Variants in PLEKHH2 observed in about 807,000 individuals in gnomAD.
PLEKHH2 encodes pleckstrin homology domain-containing family H member 2.
A neutral mutation model predicts 187.9 loss-of-function variants in PLEKHH2; 129 were observed. The ratio of observed to expected loss-of-function variants is 0.69; its 90% CI spans 0.59 to 0.79. The LOEUF (loss-of-function observed/expected upper bound fraction) is 0.79, where lower values mean the gene tolerates loss of function less well. Among genes scored for constraint, PLEKHH2 ranks in the 30% least tolerant of loss-of-function variants. The pLI is 0.00. For synonymous variants in PLEKHH2, 686 were observed against 605.6 expected, an observed-to-expected ratio of 1.13 and a Z score of -1.95; for missense variants, 2,076 against 1,751.2, an observed-to-expected ratio of 1.19 and a Z score of -3.31.
rs541434188 is a variant in PLEKHH2, at chr2:43,765,633, C to G, written c.*35C>G. The G allele has an allele frequency of 1.3e-6, 2 of 1,595,396 alleles. No homozygotes were observed. The highest frequency in any genetic ancestry group is 1.1e-5 in the South Asian group (1 of 88,048). ...AGCCTGAACATTCACTCCTTGTCCTCCATGCTGTGGCTGTATCAGCTCCCT... is the reference window on the plus strand; with the variant it reads ...AGCCTGAACATTCACTCCTTGTCCTGCATGCTGTGGCTGTATCAGCTCCCT... On this transcript the variant is annotated 3_prime_UTR_variant, in exon 30 of 30. Coordinates refer to ENST00000282406, the MANE Select transcript of PLEKHH2 (RefSeq NM_172069.4).
rs1204742747 is a variant in PLEKHH2 at position 43,675,688 on chromosome 2, C to G, written c.124-3175C>G. On this transcript the variant is annotated intron_variant, in intron 2 of 29. Coordinates refer to ENST00000282406, the MANE Select transcript of PLEKHH2 (RefSeq NM_172069.4). ...CAGCTGCTTATCTTCAGATAACTTC[C>G]AAATCACACTTTGATCTGCACAGGT... The G allele has an allele frequency of 1.9e-6, 3 of 1,613,830 alleles. No individual in the cohort carries two copies. In the African/African-American group the frequency reaches 4.0e-5, roughly 22 times the overall value.
chr2:43,743,053 A>G (rs1009802025), intron 22 of PLEKHH2, 135 bp downstream of exon 22: 1 of 622,896 alleles, frequency 1.6e-6, no homozygotes, highest in Middle Eastern at 3.2e-4. Context: ...ATTTACTATC[A>G]GAACAGCTGA....
rs372569108 is a variant in PLEKHH2, at chr2:43,710,280, C to T, written c.2164C>T (p.Arg722Trp). ...GAGTGGTAAAGTCAAGTCTTGGAAG[C>T]GGCGGTGGTTTGTTCTTAAAGGTGG... ...KMSGKVKSWK[R>W]RWFVLKGGEL... The change falls in exon 13 of 30, where the codon CGG becomes TGG. Residue 722 changes from arginine (R) to tryptophan (W), a missense_variant. Physicochemically the swap from Arg to Trp is moderately radical, Grantham distance 101. Transcript: ENST00000282406. The T allele has an allele frequency of 2.3e-5, 37 of 1,614,086 alleles. No individual in the cohort carries two copies. The East Asian group carries it at 3.1e-4, about 14-fold the overall frequency.
At chr2:43,646,134 A>T (rs181917478) in intron 2 of PLEKHH2, among the ~76,000 whole-genome samples, 5 of 152,314 alleles carry the variant, frequency 3.3e-5, no homozygotes, top group Non-Finnish European at 7.4e-5. Context: ...TGAATCCTGA[A>T]CTTCAATGTG....
intron 2 of PLEKHH2, among the ~76,000 whole-genome samples, chr2:43,668,765 G>T (rs1171845283): frequency 6.6e-6 from 1 of 152,144 alleles, no homozygotes; most frequent in Non-Finnish European, 1.5e-5. Flanking sequence ...TTGAGCCCAG[G>T]AGTTCGAGAC....
rs148707735 is a variant in PLEKHH2 at position 43,745,870 on chromosome 2, G to A, written c.3560G>A (p.Cys1187Tyr). 37 of 1,604,556 alleles carry A rather than the reference G, an allele frequency of 2.3e-5. No individual in the cohort carries two copies. Among genetic ancestry groups the A allele is most frequent in the Non-Finnish European group, 3.0e-5 (35 of 1,173,078 alleles). The change falls in exon 24 of 30, where the codon TGT becomes TAT. Residue 1187 changes from cysteine (C) to tyrosine (Y), a missense_variant. Physicochemically the swap from Cys to Tyr is radical, Grantham distance 194. Transcript: ENST00000282406. ...AGTTTTCCACTTCCTTTCTAGATTT[G>A]TGACATTATTTCCAAATGGGAACAG... ...EHCLQGNIKI[C>Y]DIISKWEQAS... is the part of the protein sequence containing the mutation.
intron 15 of PLEKHH2, among the ~76,000 whole-genome samples, chr2:43,720,075 G>C (rs1282058145): frequency 6.6e-6 from 1 of 152,118 alleles, no homozygotes; most frequent in Non-Finnish European, 1.5e-5. Flanking sequence ...TTCTGTCAGA[G>C]CTTTTAGGAT....
At chr2:43,698,235 C>T (rs1669183585) in intron 7 of PLEKHH2, among the ~76,000 whole-genome samples, 1 of 147,806 alleles carries the variant, frequency 6.8e-6, no homozygotes, top group Admixed American at 6.8e-5. Context: ...TCGCTTTGCT[C>T]TTCTCTTCTC....
intron 3 of PLEKHH2, among the ~76,000 whole-genome samples, chr2:43,685,595 T>C (rs1458301376): frequency 6.8e-6 from 1 of 147,302 alleles, no homozygotes; most frequent in East Asian, 2.0e-4. Flanking sequence ...ACCCAGTTAA[T>C]GTTTTTTAAC....
intron 16 of PLEKHH2, among the ~76,000 whole-genome samples, chr2:43,725,083 A>G (rs1465662173): frequency 6.6e-6 from 1 of 152,230 alleles, no homozygotes; most frequent in African/African-American, 2.4e-5. Context: ...TAAATGGGCT[A>G]GCGAGGAGGG....
At chr2:43,655,093 C>T (rs1156860931) in intron 2 of PLEKHH2, among the ~76,000 whole-genome samples, 1 of 152,016 alleles carries the variant, frequency 6.6e-6, no homozygotes, top group African/African-American at 2.4e-5. Context: ...GTAGCCCCAG[C>T]TACTCAGGAG....
In PLEKHH2 at chr2:43,731,524, C is replaced by T; in HGVS notation, c.2865C>T (p.His955=). The T allele has an allele frequency of 2.5e-6, 4 of 1,605,574 alleles. No homozygotes were observed. Among genetic ancestry groups the T allele is most frequent in the South Asian group, 2.2e-5 (2 of 90,648 alleles). Residue 955 remains histidine, a synonymous_variant, in exon 19 of 30, where the codon CAC becomes CAT. Transcript: ENST00000282406. The part of the protein sequence containing the change: ...SQIWRHPTLC[H]SKEGIISPLT... ...TATGGAGACACCCCACTTTGTGTCA[C>T]AGTAAAGAAGGAATCATTTCCCCTC... is the stretch of plus-strand genomic sequence containing the variant.
chr2:43,653,607 A>G (rs1332241969), intron 2 of PLEKHH2, among the ~76,000 whole-genome samples: 1 of 152,194 alleles, frequency 6.6e-6, no homozygotes, highest in Non-Finnish European at 1.5e-5. Context: ...TATATGGGAG[A>G]AAGTTGAGGG....
chr2:43,692,686 G>GTC (rs1458661812), intron 4 of PLEKHH2, 23 bp downstream of exon 4: 1 of 1,603,340 alleles, frequency 6.2e-7, no homozygotes, highest in Non-Finnish European at 8.5e-7. Flanking sequence ...TTGATAAAGA[G>GTC]TTCTAAGTGT....
intron 3 of PLEKHH2, chr2:43,679,430 C>T: frequency 6.7e-6 from 2 of 300,502 alleles, no homozygotes; most frequent in South Asian, 5.3e-5. Flanking sequence ...TGAGAGGAAA[C>T]ACCCCAAAAT....
intron 9 of PLEKHH2, 144 bp downstream of exon 9, chr2:43,704,200 A>C: frequency 1.7e-6 from 1 of 583,918 alleles, no homozygotes; most frequent in Middle Eastern, 2.6e-4. Flanking sequence ...GGTCAAATTC[A>C]TAGGAATAGA....
intron 2 of PLEKHH2, 56 bp downstream of exon 2, chr2:43,644,852 A>C (rs1399193398): frequency 6.1e-6 from 9 of 1,477,270 alleles, no homozygotes; most frequent in Non-Finnish European, 8.2e-6. Context: ...GGTCTGCTTC[A>C]TTTATATTAA....
chr2:43,758,836 C>T (rs754553419), intron 26 of PLEKHH2, 64 bp from the exon 27 acceptor site: 49 of 1,387,992 alleles, frequency 3.5e-5, no homozygotes, highest in Non-Finnish European at 4.7e-5. Context: ...TATCTTAAGA[C>T]TATGACACAC....
intron 25 of PLEKHH2, among the ~76,000 whole-genome samples, chr2:43,753,977 G>C (rs1443165451): frequency 1.3e-5 from 2 of 152,052 alleles, no homozygotes; most frequent in Admixed American, 1.3e-4. Flanking sequence ...AGAGAACCCA[G>C]TTTCTTAATT....
Sources: gnomAD v4.1 joint callset for allele counts (sites outside exome capture counted in the v4.1 genomes callset) on GRCh38, gnomAD v4.1.1 for gene constraint, MANE v1.5 for transcripts, NCBI Gene and HGNC (gene_info 2026-07-23, HGNC 2026-07-21) for gene names.